Variants in PSMD12 observed in about 807,000 individuals in gnomAD.
The protein encoded by PSMD12 is 26S proteasome non-ATPase regulatory subunit 12.
In PSMD12, 8 loss-of-function variants were observed where a neutral mutation model predicts 62.9. The ratio of observed to expected loss-of-function variants is 0.13; its 90% confidence interval spans 0.07 to 0.23. PSMD12 has a LOEUF of 0.23. Among genes scored for constraint, PSMD12 ranks in the 10% least tolerant of loss-of-function variants. The pLI is 1.00. For missense variants in PSMD12, 424 were observed against 550.2 expected, an observed-to-expected ratio of 0.77 and a Z score of 2.29; for synonymous variants, 173 against 187.4, an observed-to-expected ratio of 0.92 and a Z score of 0.63.
rs911007575 is a variant in PSMD12 at position 67,355,585 on chromosome 17, T to C, written c.297+1718A>G. On this transcript the variant is annotated intron_variant, in intron 3 of 10. Coordinates refer to ENST00000356126, the MANE Select transcript of PSMD12 (RefSeq NM_002816.5). ...ATTTTTGGTTCCATTACATCCTCTT[T>C]TACAATGCCATTGTCTTTATTATTT... 3.3e-5 allele frequency among the ~76,000 whole-genome samples: 5 copies of C among 152,142 alleles called. No homozygotes were observed. In the South Asian group the frequency reaches 6.2e-4, roughly 19 times the overall value.
chr17:67,348,708 A>G, intron 4 of PSMD12, 54 bp from the exon 5 acceptor site: 1 of 1,511,566 alleles, frequency 6.6e-7, no homozygotes, highest in East Asian at 2.3e-5. Context: ...GTTAAAATTT[A>G]AAAAGTAGGC....
intron 3 of PSMD12, 138 bp downstream of exon 3, chr17:67,357,165 T>C (rs2042082759): frequency 4.5e-6 from 4 of 889,916 alleles, no homozygotes; most frequent in South Asian, 4.3e-5. Flanking sequence ...TGTGAGAATG[T>C]AGACTGAATT....
At position 67,366,524 on chromosome 17, in the gene PSMD12, C is replaced by G; in HGVS notation, c.-5G>C. 1 of 1,600,104 alleles carries G rather than the reference C, an allele frequency of 6.2e-7. No individual in the cohort carries two copies. Among genetic ancestry groups the G allele is most frequent in the Non-Finnish European group, 8.5e-7 (1 of 1,174,746 alleles). Reference sequence around the variant, plus strand: ...CTCCGAGCCGCCGTCCGCCATGGTCCCCGCCTGAGCGTCCCTTGCTGTCCC... The same window carrying G: ...CTCCGAGCCGCCGTCCGCCATGGTCGCCGCCTGAGCGTCCCTTGCTGTCCC... On this transcript the variant is annotated 5_prime_UTR_variant, in exon 1 of 11. Coordinates refer to ENST00000356126, the MANE Select transcript of PSMD12 (RefSeq NM_002816.5).
intron 9 of PSMD12, among the ~76,000 whole-genome samples, chr17:67,342,844 G>T (rs544724119): frequency 1.3e-5 from 2 of 150,964 alleles, no homozygotes; most frequent in South Asian, 2.1e-4. Context: ...GCTGAGGGGG[G>T]AGAATTCTTT....
chr17:67,359,617 AT>A (rs935882418), intron 1 of PSMD12, among the ~76,000 whole-genome samples: 4 of 152,084 alleles, frequency 2.6e-5, no homozygotes, highest in African/African-American at 9.7e-5. Flanking sequence ...CTGCTGCCAT[AT>A]TTTTCCAAGA....
chr17:67,356,816 G>A (rs1467045334), intron 3 of PSMD12, among the ~76,000 whole-genome samples: 1 of 151,804 alleles, frequency 6.6e-6, no homozygotes, highest in Non-Finnish European at 1.5e-5. Flanking sequence ...TTTGAGACCA[G>A]CCTGGGTAAT....
intron 9 of PSMD12, 61 bp from the exon 10 acceptor site, chr17:67,342,324 A>G: frequency 9.3e-7 from 1 of 1,073,180 alleles, no homozygotes; most frequent in Non-Finnish European, 1.4e-6. Context: ...CTAAAAGTCC[A>G]TTTATTTTCA....
intron 3 of PSMD12, among the ~76,000 whole-genome samples, chr17:67,355,872 A>T (rs1191704395): frequency 6.6e-6 from 1 of 152,026 alleles, no homozygotes; most frequent in Non-Finnish European, 1.5e-5. Context: ...TCATGCCTGT[A>T]ATCCCAGCAC....
chr17:67,354,997 A>C (rs1364383846), intron 3 of PSMD12, among the ~76,000 whole-genome samples: 5 of 152,098 alleles, frequency 3.3e-5, no homozygotes, highest in African/African-American at 7.2e-5. Context: ...CAAATAAATA[A>C]ATACATACAT....
At chr17:67,346,107 A>T (rs977145002) in intron 7 of PSMD12, among the ~76,000 whole-genome samples, 3 of 151,716 alleles carry the variant, frequency 2.0e-5, no homozygotes, top group Non-Finnish European at 2.9e-5. Context: ...ATAAAAAAAA[A>T]TTAGGCCGGG....
In PSMD12 at chr17:67,340,879, G is replaced by A. The variant is rs1803017; in HGVS notation, c.1335C>T (p.Leu445=). The change falls in exon 11 of 11, where the codon CTC becomes CTT. Residue 445 remains leucine, a synonymous_variant. Transcript: ENST00000356126. ...LMSLVNKTTH[L]IAKEEMIHNL... is the part of the protein sequence containing the mutation. ...TATGTATCATCTCCTCTTTGGCTATGAGATGCGTAGTTTTGTTAACCAGAG... is the reference window on the plus strand; with the variant it reads ...TATGTATCATCTCCTCTTTGGCTATAAGATGCGTAGTTTTGTTAACCAGAG... 6.3e-7 allele frequency: 1 copy of A among 1,590,658 alleles called. No homozygotes were observed. Among genetic ancestry groups the A allele is most frequent in the South Asian group, 1.2e-5 (1 of 85,926 alleles).
Position 67,364,274 on chromosome 17 carries a change from C to T in PSMD12, c.108+2138G>A, listed in dbSNP as rs556337887. 1.2e-3 allele frequency among the ~76,000 whole-genome samples: 177 copies of T among 152,090 alleles called. 3 individuals carry two copies. The South Asian group carries it at 0.026, about 23-fold the overall frequency. ...ATTCAAATGTATCTATCTTAACAGGCCCCAACATTCTTTTTTTTAAACACT... is the reference window on the plus strand; with the variant it reads ...ATTCAAATGTATCTATCTTAACAGGTCCCAACATTCTTTTTTTTAAACACT... On this transcript the variant is annotated intron_variant, in intron 1 of 10. Coordinates refer to ENST00000356126, the MANE Select transcript of PSMD12 (RefSeq NM_002816.5).
intron 3 of PSMD12, among the ~76,000 whole-genome samples, chr17:67,356,066 T>C (rs2042068328): frequency 6.6e-6 from 1 of 151,934 alleles, no homozygotes; most frequent in Non-Finnish European, 1.5e-5. Flanking sequence ...GACTTCAGTT[T>C]TCTCAGGCAG....
At chr17:67,354,952 T>C (rs1399176953) in intron 3 of PSMD12, among the ~76,000 whole-genome samples, 5 of 152,110 alleles carry the variant, frequency 3.3e-5, no homozygotes, top group African/African-American at 1.2e-4. Flanking sequence ...ATGGTGCCAC[T>C]GCACTCCAGC....
At chr17:67,356,146 G>T (rs1016050195) in intron 3 of PSMD12, among the ~76,000 whole-genome samples, 8 of 152,062 alleles carry the variant, frequency 5.3e-5, no homozygotes, top group Non-Finnish European at 1.0e-4. Flanking sequence ...CTTAGTATTT[G>T]TTTAAGTCTA....
At chr17:67,355,581 T>A (rs1365756674) in intron 3 of PSMD12, among the ~76,000 whole-genome samples, 1 of 152,216 alleles carries the variant, frequency 6.6e-6, no homozygotes, top group Non-Finnish European at 1.5e-5. Flanking sequence ...CATTACATCC[T>A]CTTTTACAAT....
intron 1 of PSMD12, among the ~76,000 whole-genome samples, chr17:67,363,476 T>C (rs1344503488): frequency 6.6e-6 from 1 of 152,180 alleles, no homozygotes; most frequent in African/African-American, 2.4e-5. Flanking sequence ...TTAAGGAAAT[T>C]AAGGACAGAA....
chr17:67,341,102 A>G (rs767913599), intron 10 of PSMD12, 50 bp from the exon 11 acceptor site: 1 of 1,398,750 alleles, frequency 7.1e-7, no homozygotes, highest in East Asian at 2.5e-5. Flanking sequence ...ATTACAGACA[A>G]TAAACAAAAC....
At chr17:67,366,254 G>C (rs1312690368) in intron 1 of PSMD12, among the ~76,000 whole-genome samples, 158 bp downstream of exon 1, 1 of 152,198 alleles carries the variant, frequency 6.6e-6, no homozygotes, top group Non-Finnish European at 1.5e-5. Flanking sequence ...AGCCCTGGCC[G>C]GGCCGACCTG....
Sources: allele counts gnomAD v4.1 joint callset (sites outside exome capture counted in the v4.1 genomes callset), GRCh38; gene constraint gnomAD v4.1.1; transcripts MANE v1.5; gene names NCBI Gene and HGNC (gene_info 2026-07-23, HGNC 2026-07-21).